The following EIF3L variants were observed in gnomAD, a reference collection of about 807,000 sequenced individuals.
EIF3L encodes eukaryotic translation initiation factor 3 subunit L.
A neutral mutation model predicts 74.6 loss-of-function variants in EIF3L; 32 were observed. The ratio of observed to expected loss-of-function variants is 0.43; its 90% CI spans 0.32 to 0.58. The LOEUF (loss-of-function observed/expected upper bound fraction) is 0.58, where lower values mean the gene tolerates loss of function less well. Among genes scored for constraint, EIF3L ranks in the 20% least tolerant of loss-of-function variants. The pLI is 0.06. For missense variants in EIF3L, 474 were observed against 707.8 expected (o/e 0.67, Z 3.75); for synonymous variants, 256 against 254.4 (o/e 1.01, Z -0.06).
chr22:37,870,366 C>T lies in EIF3L; in HGVS notation c.751+19C>T. The T allele has an allele frequency of 6.4e-7, 1 of 1,567,258 alleles. No individual in the cohort carries two copies. Among genetic ancestry groups the T allele is most frequent in the Non-Finnish European group, 8.7e-7 (1 of 1,155,976 alleles). On this transcript the variant is annotated intron_variant, in intron 8 of 12. Coordinates refer to ENST00000652021, the MANE Select transcript of EIF3L (RefSeq NM_016091.4). ...AGCGGAGGTGAGTGCAGCAGGCCGA[C>T]AGCCGTGGCCTGCGAATTTCCAGCT... is the stretch of plus-strand genomic sequence containing the variant.
Position 37,858,757 on chromosome 22 carries a change from C to T in EIF3L, c.435+17C>T, listed in dbSNP as rs57860978. ...AAAGTCAGTGTAAGTATTTAAGTGTCGCAGTTTTTTTTTTGTTTTTGTTTT... is the reference window on the plus strand; with the variant it reads ...AAAGTCAGTGTAAGTATTTAAGTGTTGCAGTTTTTTTTTTGTTTTTGTTTT... On this transcript the variant is annotated intron_variant, in intron 5 of 12. Transcript: ENST00000652021. 1.5e-5 allele frequency: 24 copies of T among 1,585,014 alleles called. No homozygotes were observed. Among genetic ancestry groups the T allele is most frequent in the Middle Eastern group, 1.7e-4 (1 of 5,984 alleles).
intron 9 of EIF3L, 113 bp downstream of exon 9, chr22:37,874,637 A>G: frequency 7.9e-7 from 1 of 1,258,210 alleles, no homozygotes; most frequent in Non-Finnish European, 1.1e-6. Flanking sequence ...CTGTTCCCTC[A>G]GGCCATTGAA....
chr22:37,872,703 C>CT (rs1281893240), intron 8 of EIF3L, among the ~76,000 whole-genome samples: 2 of 152,146 alleles, frequency 1.3e-5, no homozygotes, highest in African/African-American at 4.8e-5. Flanking sequence ...ACTGCATCCT[C>CT]TACCTGCTGG....
Position 37,888,506 on chromosome 22 carries a change from A to G in EIF3L, c.*42A>G. 6.2e-7 allele frequency: 1 copy of G among 1,605,634 alleles called. No homozygotes were observed. Among genetic ancestry groups the G allele is most frequent in the South Asian group, 1.1e-5 (1 of 90,562 alleles). On this transcript the variant is annotated 3_prime_UTR_variant, in exon 13 of 13. Transcript: ENST00000652021. ...TCAGGAACCTGTTTTGATGTATTAT[A>G]GGCAGGAAGTGTTTTTGCTACCGTG...
intron 11 of EIF3L, chr22:37,885,861 C>A (rs903498730): frequency 6.6e-6 from 1 of 151,264 alleles, no homozygotes; most frequent in Admixed American, 6.6e-5. Flanking sequence ...CGTGAGTCAC[C>A]ATGCCCAGCC....
In EIF3L at chr22:37,862,956, G is replaced by C. The variant is rs773055894; in HGVS notation, c.436-13G>C. 8.8e-6 allele frequency: 14 copies of C among 1,599,182 alleles called. No individual in the cohort carries two copies. The African/African-American group carries it at 1.3e-4, about 15-fold the overall frequency. ...AAATATCTGTATCTTGATATCTCTT[G>C]TTTTCTTTACAGGGGGGACCTTCCT... is the stretch of plus-strand genomic sequence containing the variant. On this transcript the variant is annotated splice_polypyrimidine_tract_variant and intron_variant, in intron 5 of 12. Coordinates refer to ENST00000652021, the MANE Select transcript of EIF3L (RefSeq NM_016091.4).
chr22:37,849,592 A>T (rs1312066480), intron 1 of EIF3L, 110 bp downstream of exon 1: 3 of 1,265,004 alleles, frequency 2.4e-6, no homozygotes, highest in Non-Finnish European at 3.3e-6. Context: ...GCTCCGGCCG[A>T]CCTCCCGCCC....
chr22:37,867,954 CAAA>C (rs540704187), intron 7 of EIF3L, among the ~76,000 whole-genome samples: 4 of 60,748 alleles, frequency 6.6e-5, no homozygotes, highest in Non-Finnish European at 1.3e-4. Flanking sequence ...GACTCCATCT[CAAA>C]AAAAAAAAAA....
chr22:37,887,578 G>T, intron 12 of EIF3L: 1 of 152,576 alleles, frequency 6.6e-6, no homozygotes, highest in Non-Finnish European at 1.5e-5. Flanking sequence ...AAAGCTTGAG[G>T]TTGGCCCTTT....
chr22:37,850,456 C>A, intron 2 of EIF3L: 1 of 216,168 alleles, frequency 4.6e-6, no homozygotes, highest in Non-Finnish European at 9.7e-6. Context: ...CTTGTCTCAG[C>A]CTCCTGAGTA....
At chr22:37,851,251 A>C (rs749762969) in intron 2 of EIF3L, 29 bp from the exon 3 acceptor site, 6 of 1,600,764 alleles carry the variant, frequency 3.7e-6, no homozygotes, top group Non-Finnish European at 5.1e-6. Flanking sequence ...GTTTGAGCAT[A>C]CTCTGTATTT....
At chr22:37,879,776 A>G (rs1049744576) in intron 11 of EIF3L, 3 of 149,686 alleles carry the variant, frequency 2.0e-5, no homozygotes, top group Non-Finnish European at 4.4e-5. Context: ...CATAACCCTC[A>G]TTGGCCATAC....
chr22:37,863,921 C>T (rs186558734), intron 7 of EIF3L, among the ~76,000 whole-genome samples: 38 of 152,120 alleles, frequency 2.5e-4, no homozygotes, highest in African/African-American at 7.7e-4. Context: ...AAAAATTAGC[C>T]GGGCGTGGTG....
At chr22:37,862,846 T>C in intron 5 of EIF3L, 123 bp from the exon 6 acceptor site, 1 of 697,002 alleles carries the variant, frequency 1.4e-6, no homozygotes. Context: ...CATATTTACA[T>C]AGTAAGAAAG....
chr22:37,872,768 A>T (rs924519854), intron 8 of EIF3L, among the ~76,000 whole-genome samples: 10 of 149,474 alleles, frequency 6.7e-5, no homozygotes, highest in Non-Finnish European at 1.3e-4. Flanking sequence ...GCAGGTTTGC[A>T]CCACCATACC....
At chr22:37,870,436 G>A in intron 8 of EIF3L, 89 bp downstream of exon 8, 1 of 1,317,300 alleles carries the variant, frequency 7.6e-7, no homozygotes, top group Non-Finnish European at 1.0e-6. Context: ...AAGGAGAGCA[G>A]ATGAGTCACC....
chr22:37,850,397 G>A (rs993645850), intron 2 of EIF3L: 3 of 254,282 alleles, frequency 1.2e-5, no homozygotes, highest in Non-Finnish European at 2.4e-5. Context: ...GCAGTGGTGC[G>A]ATCTCGGCTC....
At chr22:37,881,072 A>C (rs1167451128) in intron 11 of EIF3L, 1 of 152,218 alleles carries the variant, frequency 6.6e-6, no homozygotes, top group Non-Finnish European at 1.5e-5. Context: ...CTAGTAATAC[A>C]TTTATATATG....
At position 37,849,454 on chromosome 22, in the gene EIF3L, CT is replaced by C; in HGVS notation, c.7del (p.Tyr3IlefsTer45). 2 of 1,613,028 alleles carry C rather than the reference CT, an allele frequency of 1.2e-6. No individual in the cohort carries two copies. The highest frequency in any genetic ancestry group is 1.7e-6 in the Non-Finnish European group (2 of 1,179,444). M[S>X]YPADDYESEA... ...GTGCTCGCAAGCGAGGCAGCCATGT[CT>C]TATCCCGCTGATGATTATGAGTCTG... On this transcript the variant is annotated frameshift_variant, in exon 1 of 13. Coordinates refer to ENST00000652021, the MANE Select transcript of EIF3L (RefSeq NM_016091.4). LOFTEE classifies it high-confidence loss of function.
Sources: gnomAD v4.1 joint callset for allele counts (sites outside exome capture counted in the v4.1 genomes callset) on GRCh38, gnomAD v4.1.1 for gene constraint, MANE v1.5 for transcripts, NCBI Gene and HGNC (gene_info 2026-07-23, HGNC 2026-07-21) for gene names.